ROBO2: variants seen among roughly 807,000 people sequenced by gnomAD.
ROBO2 encodes roundabout homolog 2.
In ROBO2, 53 loss-of-function variants were observed where a neutral mutation model predicts 160.8. That is an observed-to-expected ratio of 0.33 (90% CI 0.26 to 0.41). The LOEUF (loss-of-function observed/expected upper bound fraction) is 0.41. Ranked by LOEUF, ROBO2 falls within the 10% of genes least tolerant of loss-of-function variation. The pLI is 1.00. For missense variants in ROBO2, 1,577 were observed against 1,722.4 expected, an observed-to-expected ratio of 0.92 and a Z score of 1.49; for synonymous variants, 664 against 611.7, an observed-to-expected ratio of 1.09 and a Z score of -1.26.
chr3:77,274,632 T>G (rs1324755914), intron 2 of ROBO2, among the ~76,000 whole-genome samples: 2 of 152,128 alleles, frequency 1.3e-5, no homozygotes, highest in Admixed American at 6.6e-5. Flanking sequence ...GAGTAGAGAT[T>G]GAATTACATG....
At chr3:76,526,497 G>C (rs1026198097) in intron 2 of ROBO2, among the ~76,000 whole-genome samples, 3 of 151,882 alleles carry the variant, frequency 2.0e-5, no homozygotes, top group Non-Finnish European at 4.4e-5. Context: ...GTTTAATTTT[G>C]TTTTTCAAGA....
At chr3:75,944,130 G>A (rs1420594289) in intron 2 of ROBO2, among the ~76,000 whole-genome samples, 6 of 152,136 alleles carry the variant, frequency 3.9e-5, no homozygotes, top group Non-Finnish European at 8.8e-5. Context: ...GAAGGAAAGA[G>A]GTTCCTTCTA....
intron 2 of ROBO2, among the ~76,000 whole-genome samples, chr3:76,721,770 G>C (rs558773005): frequency 1.3e-5 from 2 of 152,306 alleles, no homozygotes; most frequent in Admixed American, 6.5e-5. Flanking sequence ...AGAGAAACAG[G>C]CTGTTTTCAT....
At chr3:77,494,981 T>C (rs2086605235) in intron 5 of ROBO2, among the ~76,000 whole-genome samples, 1 of 152,184 alleles carries the variant, frequency 6.6e-6, no homozygotes, top group African/African-American at 2.4e-5. Flanking sequence ...AAAGGAATGG[T>C]ATTAGTAGAA....
chr3:76,780,527 G>A (rs984002030), intron 2 of ROBO2, among the ~76,000 whole-genome samples: 10 of 150,620 alleles, frequency 6.6e-5, no homozygotes, highest in African/African-American at 2.2e-4. Context: ...TGTCGAGAAG[G>A]TTTTTCCCTG....
intron 2 of ROBO2, among the ~76,000 whole-genome samples, chr3:76,745,857 A>G (rs113926373): frequency 1.5e-4 from 22 of 148,226 alleles, no homozygotes; most frequent in African/African-American, 4.5e-4. Context: ...TTATACTTTA[A>G]GTTTTAGGGT....
chr3:77,117,605 C>A (rs531202825), intron 2 of ROBO2, among the ~76,000 whole-genome samples: 2 of 152,158 alleles, frequency 1.3e-5, no homozygotes, highest in Admixed American at 6.5e-5. Context: ...TAAGAATAAT[C>A]TTGATTCATT....
At chr3:76,512,308 TTA>T (rs200138101) in intron 2 of ROBO2, among the ~76,000 whole-genome samples, 1 of 120,640 alleles carries the variant, frequency 8.3e-6, no homozygotes. Context: ...TTGCAGAAAT[TTA>T]TATATATATA....
chr3:77,038,729 A>G (rs2063786369), upstream of ROBO2, among the ~76,000 whole-genome samples: 1 of 152,176 alleles, frequency 6.6e-6, no homozygotes, highest in African/African-American at 2.4e-5. Context: ...CACCGCCGAC[A>G]CCGGCACCCC....
intron 2 of ROBO2, among the ~76,000 whole-genome samples, chr3:76,963,941 G>C (rs2079873715): frequency 1.3e-5 from 2 of 151,954 alleles, no homozygotes; most frequent in East Asian, 1.9e-4. Flanking sequence ...TTCTGTCCCA[G>C]TTATTTTTTT....
chr3:77,396,905 G>A (rs1338544043), intron 2 of ROBO2, among the ~76,000 whole-genome samples: 1 of 152,076 alleles, frequency 6.6e-6, no homozygotes, highest in Non-Finnish European at 1.5e-5. Context: ...GAGGTTAATA[G>A]AAACTTCATC....
At chr3:77,148,728 C>T (rs778752294) in intron 2 of ROBO2, among the ~76,000 whole-genome samples, 5 of 151,968 alleles carry the variant, frequency 3.3e-5, no homozygotes, top group Non-Finnish European at 7.4e-5. Flanking sequence ...AAGCAAATAC[C>T]GCTAAATATG....
chr3:76,599,602 T>C (rs947751690), intron 2 of ROBO2, among the ~76,000 whole-genome samples: 6 of 152,144 alleles, frequency 3.9e-5, no homozygotes, highest in African/African-American at 1.4e-4. Flanking sequence ...ATTTCTATCT[T>C]TAGGTTTTTG....
At chr3:77,379,136 C>T (rs149528190) in intron 2 of ROBO2, among the ~76,000 whole-genome samples, 2 of 152,050 alleles carry the variant, frequency 1.3e-5, no homozygotes, top group Admixed American at 6.6e-5. Flanking sequence ...TTAGTAGAGA[C>T]GGGTTTTCAC....
chr3:77,035,416 C>A (rs753358076), upstream of ROBO2, among the ~76,000 whole-genome samples: 1 of 151,896 alleles, frequency 6.6e-6, no homozygotes, highest in Non-Finnish European at 1.5e-5. Context: ...TATCACCGAA[C>A]TCTTCGATCA....
intron 2 of ROBO2, among the ~76,000 whole-genome samples, chr3:77,134,222 T>C (rs982660734): frequency 6.6e-6 from 1 of 152,140 alleles, no homozygotes; most frequent in African/African-American, 2.4e-5. Flanking sequence ...AGGTGATCTT[T>C]ATGAGAAAAT....
At chr3:77,644,986 C>T in intron 25 of ROBO2, 82 bp downstream of exon 27, 11 of 1,387,900 alleles carry the variant, frequency 7.9e-6, no homozygotes, top group Non-Finnish European at 1.1e-5. Context: ...AAACAAATTT[C>T]AGATTAATAG....
chr3:77,134,759 A>C (rs1013361041), intron 2 of ROBO2, among the ~76,000 whole-genome samples: 5 of 152,352 alleles, frequency 3.3e-5, no homozygotes, highest in South Asian at 2.1e-4. Context: ...CAGAAGACAA[A>C]GGAAAAGATT....
intron 2 of ROBO2, among the ~76,000 whole-genome samples, chr3:77,215,567 C>T (rs886961570): frequency 1.3e-5 from 2 of 152,306 alleles, no homozygotes; most frequent in East Asian, 3.9e-4. Flanking sequence ...CTGAAGCCTT[C>T]CTCTCTCAAC....
Sources: allele counts gnomAD v4.1 joint callset (sites outside exome capture counted in the v4.1 genomes callset), GRCh38; gene constraint gnomAD v4.1.1; transcripts MANE v1.5; gene names NCBI Gene and HGNC (gene_info 2026-07-23, HGNC 2026-07-21).